Variants in GDAP1 observed in about 807,000 individuals in gnomAD.
GDAP1 encodes ganglioside induced differentiation associated protein 1, also known as ganglioside-induced differentiation-associated protein 1.
Under a neutral mutation model 40.1 loss-of-function variants are expected in GDAP1, and 34 were observed. The observed-to-expected ratio is 0.85, with a 90% CI of 0.64 to 1.13. The LOEUF (loss-of-function observed/expected upper bound fraction) is 1.13. GDAP1 is among the 50% of genes most tolerant of loss of function. The pLI is 0.00. For missense variants in GDAP1, 374 were observed against 433.7 expected (o/e 0.86, Z 1.22); for synonymous variants, 170 against 157.4 (o/e 1.08, Z -0.60).
chr8:74,438,086 T>A (rs547728234), intron 2 of GDAP1, among the ~76,000 whole-genome samples: 1 of 152,100 alleles, frequency 6.6e-6, no homozygotes, highest in East Asian at 1.9e-4. Context: ...CTGGCCAACA[T>A]GGTGAAACCC....
downstream of GDAP1, among the ~76,000 whole-genome samples, chr8:74,371,056 C>G (rs1052331196): frequency 2.0e-5 from 3 of 152,268 alleles, no homozygotes; most frequent in African/African-American, 7.2e-5. Context: ...GACAGAAATT[C>G]AATTGGGATA....
intron 5 of GDAP1, among the ~76,000 whole-genome samples, chr8:74,363,619 G>A: frequency 6.6e-6 from 1 of 152,206 alleles, no homozygotes; most frequent in Non-Finnish European, 1.5e-5. Context: ...TCAGCTTTAT[G>A]GATTTTTCTA....
intron 2 of GDAP1, among the ~76,000 whole-genome samples, chr8:74,478,140 G>A (rs1448467779): frequency 6.6e-6 from 1 of 152,024 alleles, no homozygotes; most frequent in East Asian, 1.9e-4. Flanking sequence ...GCAGCTAGTA[G>A]GGGTGGGGCT....
At position 74,406,223 on chromosome 8, in the gene GDAP1, AATGTGTGGTACAC is replaced by A. The variant is rs910853332; in HGVS notation, c.165+54907_165+54919del. On this transcript the variant is annotated intron_variant, in intron 2 of 2. Transcript: ENST00000523640. ...GATGCTGAAAGGCAGATGAGGTAAA[AATGTGTGGTACAC>A]ATGTCTTTTCAACAGCATGGCCATA... Among the ~76,000 whole-genome samples the A allele has an allele frequency of 5.3e-5, 8 of 150,226 alleles. 1 individual carries two copies. Among genetic ancestry groups the A allele is most frequent in the African/African-American group, 1.3e-4 (5 of 39,536 alleles).
chr8:74,384,827 C>G (rs10098296), intron 2 of GDAP1, among the ~76,000 whole-genome samples: 79,949 of 152,012 alleles, frequency 0.53, 21,605 homozygotes, highest in African/African-American at 0.67. Flanking sequence ...AAAATCCACT[C>G]TATATTTTGC....
chr8:74,423,425 TTATTG>T (rs1308516151), intron 2 of GDAP1, among the ~76,000 whole-genome samples: 1 of 147,884 alleles, frequency 6.8e-6, no homozygotes, highest in Non-Finnish European at 1.5e-5. Flanking sequence ...TATATACTAT[TTATTG>T]TATATATAAA....
chr8:74,420,916 G>A (rs554194752), intron 2 of GDAP1, among the ~76,000 whole-genome samples: 1 of 151,990 alleles, frequency 6.6e-6, no homozygotes, highest in Non-Finnish European at 1.5e-5. Flanking sequence ...TTGGATGGGA[G>A]CCTGAGTCTT....
chr8:74,383,155 A>G (rs1809978754), intron 2 of GDAP1, among the ~76,000 whole-genome samples: 1 of 152,212 alleles, frequency 6.6e-6, no homozygotes, highest in African/African-American at 2.4e-5. Flanking sequence ...GTGTTTGCAT[A>G]CAAACTTATT....
At chr8:74,484,875 C>T (rs1239422066) in intron 2 of GDAP1, among the ~76,000 whole-genome samples, 1 of 152,070 alleles carries the variant, frequency 6.6e-6, no homozygotes. Context: ...AATCTCTGGT[C>T]TATGTTCTCT....
At chr8:74,428,358 T>C (rs1429920806) in intron 2 of GDAP1, among the ~76,000 whole-genome samples, 3 of 152,178 alleles carry the variant, frequency 2.0e-5, no homozygotes. Flanking sequence ...AATACAATGG[T>C]GGTGTCCCCG....
chr8:74,414,230 A>G (rs911298120), intron 2 of GDAP1, among the ~76,000 whole-genome samples: 1 of 150,244 alleles, frequency 6.7e-6, no homozygotes, highest in Non-Finnish European at 1.5e-5. Context: ...TTAACATAAT[A>G]TTCAAAATGT....
intron 2 of GDAP1, among the ~76,000 whole-genome samples, chr8:74,442,961 C>T (rs141765203): frequency 6.6e-6 from 1 of 152,304 alleles, no homozygotes; most frequent in African/African-American, 2.4e-5. Context: ...TGGAGCACCA[C>T]CTTTTAGCTG....
intron 2 of GDAP1, among the ~76,000 whole-genome samples, chr8:74,420,536 T>G (rs1318698850): frequency 6.6e-6 from 1 of 152,200 alleles, no homozygotes; most frequent in African/African-American, 2.4e-5. Flanking sequence ...TTCACTGTCC[T>G]ATAACAACAC....
Position 74,364,550 on chromosome 8 carries a change from A to G in GDAP1, c.*183A>G, listed in dbSNP as rs1563445691. ...ATAGGACACAAAATTGCTTTATTCT[A>G]CAACTGCCAGCTCCAGGCAGAAATA... On this transcript the variant is annotated 3_prime_UTR_variant, in exon 6 of 6. Transcript: ENST00000220822. 2.8e-6 allele frequency: 2 copies of G among 709,592 alleles called. No homozygotes were observed. Among genetic ancestry groups the G allele is most frequent in the South Asian group, 3.0e-5 (2 of 67,526 alleles). 44.0% of individuals were successfully genotyped at this position (709,592 alleles called of 1,614,324 possible).
intron 3 of GDAP1, 51 bp from the exon 4 acceptor site, chr8:74,361,833 G>A (rs932395514): frequency 1.0e-6 from 1 of 976,304 alleles, no homozygotes; most frequent in Admixed American, 1.7e-5. Flanking sequence ...CTTGTTACTG[G>A]TGTAGAAGGG....
At position 74,363,058 on chromosome 8, in the gene GDAP1, G is replaced by A. The variant is rs752550394; in HGVS notation, c.694+5G>A. 71 of 1,257,868 alleles carry A rather than the reference G, an allele frequency of 5.6e-5. No homozygotes were observed. The highest frequency in any genetic ancestry group is 8.0e-5 in the Non-Finnish European group (68 of 855,076). The allele number at this position is 1,257,868 out of a possible 1,614,324, so 77.9% of individuals were successfully genotyped here. On this transcript the variant is annotated splice_donor_5th_base_variant and intron_variant, in intron 5 of 5. Coordinates refer to ENST00000220822, the MANE Select transcript of GDAP1 (RefSeq NM_018972.4). ...GAAGAAATGAAGAAACCCCAGGTAG[G>A]TTCTCATTTATATTCTTTCTCTCTT...
intron 2 of GDAP1, among the ~76,000 whole-genome samples, chr8:74,406,576 A>G (rs2131551888): frequency 6.7e-6 from 1 of 150,274 alleles, no homozygotes; most frequent in East Asian, 1.9e-4. Context: ...AACCTTCTAT[A>G]CTGGGTACAA....
intron 2 of GDAP1, among the ~76,000 whole-genome samples, chr8:74,353,108 G>C (rs933749225): frequency 1.2e-4 from 19 of 152,068 alleles, no homozygotes; most frequent in African/African-American, 4.6e-4. Flanking sequence ...TTTTAGTACA[G>C]AATAGTAACA....
intron 2 of GDAP1, among the ~76,000 whole-genome samples, chr8:74,410,421 T>C (rs1412019146): frequency 6.7e-6 from 1 of 150,170 alleles, no homozygotes; most frequent in Non-Finnish European, 1.5e-5. Context: ...TCTATCAACA[T>C]GAAATATTAG....
Sources: allele counts gnomAD v4.1 joint callset (sites outside exome capture counted in the v4.1 genomes callset), GRCh38; gene constraint gnomAD v4.1.1; transcripts MANE v1.5; gene names NCBI Gene and HGNC (gene_info 2026-07-23, HGNC 2026-07-21).